The following LTF variants were observed in gnomAD, a reference collection of about 807,000 sequenced individuals.
The protein encoded by LTF is lactotransferrin, also known as epididymis luminal protein 110.
In LTF, 91 loss-of-function variants were observed where a neutral mutation model predicts 87.2. That is an observed-to-expected ratio of 1.04 (90% CI 0.88 to 1.24). LTF has a LOEUF of 1.24. LTF is among the 50% of genes most tolerant of loss of function. The pLI is 0.00. For missense variants in LTF, 901 were observed against 904.3 expected, an observed-to-expected ratio of 1.00 and a Z score of 0.05; for synonymous variants, 378 against 356.1, an observed-to-expected ratio of 1.06 and a Z score of -0.69.
Position 46,447,386 on chromosome 3 carries a change from C to T in LTF, c.1225G>A (p.Asp409Asn). The T allele has an allele frequency of 6.2e-7, 1 of 1,613,902 alleles. No homozygotes were observed. Among genetic ancestry groups the T allele is most frequent in the Non-Finnish European group, 8.5e-7 (1 of 1,179,758 alleles). Residue 409 changes from aspartate (D) to asparagine (N), a missense_variant, in exon 10 of 17, where the codon GAT becomes AAT. Transcript: ENST00000231751. Reference protein sequence around the residue: ...CIALVLKGEADAMSLDGGYVY... With the variant: ...CIALVLKGEANAMSLDGGYVY... ...TATCCTCCATCCAAACTCATGGCAT[C>T]AGCTTCTCCTTTCTGCAAAGACAGA...
chr3:46,459,577 G>T, intron 2 of LTF, 79 bp downstream of exon 2: 1 of 1,308,196 alleles, frequency 7.6e-7, no homozygotes, highest in Non-Finnish European at 1.0e-6. Context: ...GAAGTAAGGA[G>T]AGCTCGTGTT....
At chr3:46,472,451 G>T (rs1703303666) in intron 1 of LTF, among the ~76,000 whole-genome samples, 1 of 149,654 alleles carries the variant, frequency 6.7e-6, no homozygotes. Context: ...CCTCCAGAGG[G>T]TATTAATCTC....
At chr3:46,462,848 G>C (rs1364871934) in intron 1 of LTF, among the ~76,000 whole-genome samples, 1 of 149,858 alleles carries the variant, frequency 6.7e-6, no homozygotes, top group Non-Finnish European at 1.5e-5. Flanking sequence ...GGTGGGTTCT[G>C]GGGGTGAAGG....
At chr3:46,437,869 G>A in intron 16 of LTF, 71 bp downstream of exon 16, 1 of 1,174,258 alleles carries the variant, frequency 8.5e-7, no homozygotes, top group Non-Finnish European at 1.2e-6. Context: ...TTCCTAGAAT[G>A]CTGTTTGGCC....
Position 46,450,648 on chromosome 3 carries a change from C to T in LTF, c.729G>A (p.Arg243=), listed in dbSNP as rs1239392013. 1 of 1,612,408 alleles carries T rather than the reference C, an allele frequency of 6.2e-7. No homozygotes were observed. Among genetic ancestry groups the T allele is most frequent in the Admixed American group, 1.7e-5 (1 of 59,996 alleles). ...CTGGGCAGAGTAACTCATACTCGTCCCTTTCAGCCTCGTCTGACAGGTCCT... is the reference window on the plus strand; with the variant it reads ...CTGGGCAGAGTAACTCATACTCGTCTCTTTCAGCCTCGTCTGACAGGTCCT... ...VFEDLSDEAE[R]DEYELLCPDN... Residue 243 remains arginine, a synonymous_variant, in exon 7 of 17, where the codon AGG becomes AGA. Coordinates refer to ENST00000231751, the MANE Select transcript of LTF (RefSeq NM_002343.6).
intron 9 of LTF, 72 bp downstream of exon 9, chr3:46,448,791 A>C: frequency 6.4e-7 from 1 of 1,564,612 alleles, no homozygotes; most frequent in African/African-American, 1.4e-5. Context: ...TGTTGACTTC[A>C]CTTTAAGCAG....
Position 46,448,974 on chromosome 3 carries a change from A to T in LTF, c.1101T>A (p.Cys367Ter). Residue 367 changes from cysteine to a stop codon, truncating the protein, a stop_gained, in exon 9 of 17, where the codon TGT becomes TGA. Transcript: ENST00000231751. LOFTEE classifies it high-confidence loss of function. ...VAARRARVVW[C>*]AVGEQELRKC... ...TGCGCAGCTCCTGCTCGCCCACCGC[A>T]CACCACACGACCCGCGCACGCCGGG... 1 of 1,613,136 alleles carries T rather than the reference A, an allele frequency of 6.2e-7. No individual in the cohort carries two copies. Among genetic ancestry groups the T allele is most frequent in the East Asian group, 2.2e-5 (1 of 44,788 alleles).
At chr3:46,441,168 T>A (rs187195244) in intron 14 of LTF, among the ~76,000 whole-genome samples, 45 of 124,480 alleles carry the variant, frequency 3.6e-4, no homozygotes, top group Non-Finnish European at 6.4e-4. Flanking sequence ...TCTGTGTGTG[T>A]GAGAGTGAGT....
chr3:46,452,953 C>T (rs1702838997), intron 6 of LTF, among the ~76,000 whole-genome samples: 2 of 152,188 alleles, frequency 1.3e-5, no homozygotes, highest in South Asian at 2.1e-4. Context: ...TATCTCAAAA[C>T]TACAAACCAA....
At chr3:46,445,078 G>A (rs1408598929) in intron 12 of LTF, among the ~76,000 whole-genome samples, 1 of 152,188 alleles carries the variant, frequency 6.6e-6, no homozygotes, top group Non-Finnish European at 1.5e-5. Flanking sequence ...GGGTGAATGG[G>A]GCATGGGAAG....
At chr3:46,445,666 G>A (rs539152076) in intron 11 of LTF, among the ~76,000 whole-genome samples, 1 of 152,364 alleles carries the variant, frequency 6.6e-6, no homozygotes, top group Admixed American at 6.5e-5. Flanking sequence ...TTATTTTAGT[G>A]ATTACAGGGG....
chr3:46,439,510 A>G, intron 14 of LTF, 30 bp from the exon 15 acceptor site: 2 of 1,570,576 alleles, frequency 1.3e-6, no homozygotes, highest in Non-Finnish European at 1.7e-6. Context: ...GGCATCATCC[A>G]CGCCTCCCCT....
chr3:46,449,115 C>T, intron 8 of LTF, 98 bp from the exon 9 acceptor site: 2 of 1,129,014 alleles, frequency 1.8e-6, no homozygotes, highest in Non-Finnish European at 2.5e-6. Context: ...CTCCCTGGAA[C>T]AGGAGCTACA....
intron 11 of LTF, 113 bp from the exon 12 acceptor site, chr3:46,445,549 G>A: frequency 1.2e-6 from 1 of 841,988 alleles, no homozygotes; most frequent in East Asian, 2.7e-5. Context: ...GCAACACCAG[G>A]CAATGATTCC....
intron 2 of LTF, among the ~76,000 whole-genome samples, chr3:46,458,076 G>A (rs973992581): frequency 6.6e-5 from 10 of 152,156 alleles, no homozygotes; most frequent in East Asian, 1.9e-4. Flanking sequence ...GAGCCACCAC[G>A]CCCGGCCTTG....
intron 1 of LTF, among the ~76,000 whole-genome samples, chr3:46,484,236 T>A (rs1703488093): frequency 6.6e-6 from 1 of 152,212 alleles, no homozygotes; most frequent in Non-Finnish European, 1.5e-5. Context: ...CATAGGTGTT[T>A]GAGCTGGGGC....
At chr3:46,447,201 G>A (rs575791123) in intron 10 of LTF, 107 bp downstream of exon 10, 53 of 762,468 alleles carry the variant, frequency 7.0e-5, no homozygotes, top group Non-Finnish European at 1.1e-4. Context: ...CCTTTTGAAT[G>A]TATCTGTTCA....
intron 1 of LTF, among the ~76,000 whole-genome samples, chr3:46,464,573 G>A (rs1031845251): frequency 4.6e-5 from 7 of 152,188 alleles, no homozygotes; most frequent in Admixed American, 1.3e-4. Flanking sequence ...CAGGGGCCTG[G>A]GAGGCCTTTT....
chr3:46,450,139 G>A (rs1702766867), intron 7 of LTF, 111 bp from the exon 8 acceptor site: 2 of 907,740 alleles, frequency 2.2e-6, no homozygotes, highest in Admixed American at 2.8e-5. Context: ...CTGAGAGCAG[G>A]AGCCTCGGTT....
Sources: gnomAD v4.1 joint callset for allele counts (sites outside exome capture counted in the v4.1 genomes callset) on GRCh38, gnomAD v4.1.1 for gene constraint, MANE v1.5 for transcripts, NCBI Gene and HGNC (gene_info 2026-07-23, HGNC 2026-07-21) for gene names.